Variants in DHX36 observed in about 807,000 individuals in gnomAD.
DHX36 encodes the protein DEAH-box helicase 36.
Under a neutral mutation model 139.0 loss-of-function variants are expected in DHX36, and 50 were observed. The observed-to-expected ratio is 0.36, with a 90% confidence interval of 0.29 to 0.46. The LOEUF (loss-of-function observed/expected upper bound fraction) is 0.46, where lower values mean the gene tolerates loss of function less well. Ranked by LOEUF, DHX36 falls within the 20% of genes least tolerant of loss-of-function variation. The probability of loss-of-function intolerance (pLI) is 1.00; values close to 1 mark genes in which losing one functional copy is unlikely to be tolerated. For synonymous variants in DHX36, 425 were observed against 401.9 expected, an observed-to-expected ratio of 1.06 and a Z score of -0.69; for missense variants, 1,024 against 1,211.3, an observed-to-expected ratio of 0.85 and a Z score of 2.29.
At chr3:154,310,841 A>G (rs1253858032) in intron 4 of DHX36, among the ~76,000 whole-genome samples, 4 of 114,980 alleles carry the variant, frequency 3.5e-5, no homozygotes, top group Admixed American at 1.0e-4. Flanking sequence ...ATATATATAT[A>G]TATATATATA....
intron 17 of DHX36, among the ~76,000 whole-genome samples, chr3:154,285,938 T>C (rs992981485): frequency 2.0e-5 from 3 of 151,484 alleles, no homozygotes; most frequent in African/African-American, 7.3e-5. Context: ...AACTTACATA[T>C]GAAAATCACA....
chr3:154,307,132 C>T (rs1712535318), intron 5 of DHX36, among the ~76,000 whole-genome samples: 1 of 151,712 alleles, frequency 6.6e-6, no homozygotes, highest in Non-Finnish European at 1.5e-5. Context: ...GAATATAGTC[C>T]CCATAAAAGG....
intron 1 of DHX36, among the ~76,000 whole-genome samples, chr3:154,322,375 G>A (rs551532301): frequency 1.3e-5 from 2 of 152,200 alleles, no homozygotes; most frequent in African/African-American, 2.4e-5. Context: ...CACCATAGGC[G>A]GCTCTGTAAA....
intron 12 of DHX36, among the ~76,000 whole-genome samples, chr3:154,296,196 C>T (rs1712038995): frequency 6.6e-6 from 1 of 152,126 alleles, no homozygotes; most frequent in Admixed American, 6.5e-5. Context: ...CATTCCAGGC[C>T]AGGCGCGGTG....
In DHX36 at chr3:154,301,064, T is replaced by G. The variant is rs1186606275; in HGVS notation, c.1281A>C (p.Val427=). Residue 427 remains valine, a synonymous_variant, in exon 10 of 25, where the codon GTA becomes GTC. Transcript: ENST00000496811. ...QFKRGFMQGH[V]NRQEKEEKEA... The stretch of plus-strand genomic sequence containing the variant: ...CTTTTTCTTCTTTTTCTTGTCTATT[T>G]ACATGCCCTTGCATGAAACCCCTCT... The G allele has an allele frequency of 1.2e-6, 2 of 1,613,332 alleles. No homozygotes were observed. Among genetic ancestry groups the G allele is most frequent in the Non-Finnish European group, 1.7e-6 (2 of 1,179,902 alleles).
intron 1 of DHX36, among the ~76,000 whole-genome samples, chr3:154,322,310 A>C (rs919199770): frequency 1.3e-5 from 2 of 152,230 alleles, no homozygotes; most frequent in Non-Finnish European, 2.9e-5. Flanking sequence ...CATGACTTCC[A>C]ATCTGAAGTT....
chr3:154,322,372 G>C (rs1158627377), intron 1 of DHX36, among the ~76,000 whole-genome samples: 1 of 152,186 alleles, frequency 6.6e-6, no homozygotes, highest in Non-Finnish European at 1.5e-5. Flanking sequence ...GATCACCATA[G>C]GCGGCTCTGT....
At chr3:154,315,517 T>C (rs1248257890) in intron 2 of DHX36, among the ~76,000 whole-genome samples, 1 of 152,118 alleles carries the variant, frequency 6.6e-6, no homozygotes, top group Non-Finnish European at 1.5e-5. Flanking sequence ...TAGTTAAAAA[T>C]AAAAATCCAC....
intron 8 of DHX36, 29 bp from the exon 9 acceptor site, chr3:154,303,439 A>C: frequency 6.7e-7 from 1 of 1,488,334 alleles, no homozygotes. Flanking sequence ...TATAAGCATA[A>C]ATTTGTACTC....
chr3:154,290,398 C>T (rs1392609228), intron 15 of DHX36, among the ~76,000 whole-genome samples: 6 of 150,644 alleles, frequency 4.0e-5, no homozygotes, highest in African/African-American at 1.5e-4. Context: ...CACTCTGGGA[C>T]GCCGAGGTGG....
In DHX36 at chr3:154,324,393, G is replaced by T. The variant is rs756053986; in HGVS notation, c.24C>A (p.Asn8Lys). Residue 8 changes from asparagine (N) to lysine (K), a missense_variant, in exon 1 of 25, where the codon AAC (asparagine) becomes AAA (lysine). Around this residue, in one of 4 missense-constraint regions of DHX36, gnomAD observed 293 missense variants for 274.4 expected, o/e 1.07. Transcript: ENST00000496811. Reference sequence around the variant, plus strand: ...TGCGGGGACCCCCATCACGGCCCCAGTTCTGATGGTAGTCATAACTCATTG... The same window carrying T: ...TGCGGGGACCCCCATCACGGCCCCATTTCTGATGGTAGTCATAACTCATTG... MSYDYHQ[N>K]WGRDGGPRSS... is the part of the protein sequence containing the mutation. 1 of 1,567,716 alleles carries T rather than the reference G, an allele frequency of 6.4e-7. No individual in the cohort carries two copies. The highest frequency in any genetic ancestry group is 8.7e-7 in the Non-Finnish European group (1 of 1,154,842).
intron 19 of DHX36, among the ~76,000 whole-genome samples, chr3:154,283,512 TATTA>T (rs1423899900): frequency 1.3e-5 from 2 of 152,132 alleles, no homozygotes; most frequent in Non-Finnish European, 2.9e-5. Flanking sequence ...TATAGTAATA[TATTA>T]ATTATGTATT....
At chr3:154,304,058 A>T (rs530571653) in intron 8 of DHX36, among the ~76,000 whole-genome samples, 8 of 152,320 alleles carry the variant, frequency 5.3e-5, no homozygotes, top group African/African-American at 1.7e-4. Context: ...TAGTTCTAGA[A>T]GTCTCATTTA....
At position 154,276,110 on chromosome 3, in the gene DHX36, A is replaced by G. The variant is rs1719139582; in HGVS notation, c.*61T>C. 3 of 1,549,716 alleles carry G rather than the reference A, an allele frequency of 1.9e-6. No individual in the cohort carries two copies. Among genetic ancestry groups the G allele is most frequent in the Admixed American group, 2.0e-5 (1 of 49,168 alleles). ...TCCCAGGGTTTGGCATCCAGCCAAA[A>G]TTTAAACAATGATGAAGAATGGCTG... On this transcript the variant is annotated 3_prime_UTR_variant, in exon 25 of 25. Coordinates refer to ENST00000496811, the MANE Select transcript of DHX36 (RefSeq NM_020865.3).
chr3:154,280,549 G>C (rs554210711), intron 22 of DHX36, 30 bp downstream of exon 22: 1 of 1,460,700 alleles, frequency 6.8e-7, no homozygotes, highest in Non-Finnish European at 9.5e-7. Flanking sequence ...AGAGAATTAC[G>C]AGTAATTAAT....
In DHX36 at chr3:154,324,469, C is replaced by A. The variant is rs530915349; in HGVS notation, c.-53G>T. 6 of 1,437,242 alleles carry A rather than the reference C, an allele frequency of 4.2e-6. No individual in the cohort carries two copies. The South Asian group carries it at 9.3e-5, about 22-fold the overall frequency. 89.0% of individuals were successfully genotyped at this position (1,437,242 alleles called of 1,614,324 possible). A position where few individuals can be genotyped will look rare whatever the true frequency, so the allele number is the denominator to read the frequency against. On this transcript the variant is annotated 5_prime_UTR_variant, in exon 1 of 25. Coordinates refer to ENST00000496811, the MANE Select transcript of DHX36 (RefSeq NM_020865.3). ...ACCAGCAACCGCTGGAAATGGCGTC[C>A]GGGCCCGGAAGCCACTGTGCGCCCA...
At chr3:154,287,878 T>C (rs1711603097) in intron 17 of DHX36, among the ~76,000 whole-genome samples, 2 of 151,978 alleles carry the variant, frequency 1.3e-5, no homozygotes, top group Middle Eastern at 3.4e-3. Flanking sequence ...ATGACAGTCA[T>C]AGAAATGCAA....
chr3:154,280,374 T>TC, intron 22 of DHX36: 1 of 509,624 alleles, frequency 2.0e-6, no homozygotes, highest in South Asian at 3.1e-5. Flanking sequence ...TAATGGGTTA[T>TC]CAAAGAGGTG....
rs375298743 is a variant in DHX36 at position 154,316,139 on chromosome 3, G to A, written c.268C>T (p.Arg90Ter). Residue 90 changes from arginine (R) to a stop codon, truncating the protein, a stop_gained, in exon 2 of 25, where the codon CGA becomes TGA. Transcript: ENST00000496811. LOFTEE classifies it high-confidence loss of function. ...QERAVVHMDE[R>*]REEQIVQLLN... ...AACTGTACAATTTGTTCTTCTCGTC[G>A]TTCATCCATGTGTACTACAGCTCTC... 5.6e-6 allele frequency: 9 copies of A among 1,612,958 alleles called. No homozygotes were observed. The highest frequency in any genetic ancestry group is 5.3e-5 in the African/African-American group (4 of 74,808).
Sources: gnomAD v4.1 joint callset for allele counts (sites outside exome capture counted in the v4.1 genomes callset) on GRCh38, gnomAD v4.1.1 for gene constraint, gnomAD v4.1.1 regional missense constraint, MANE v1.5 for transcripts, NCBI Gene and HGNC (gene_info 2026-07-23, HGNC 2026-07-21) for gene names.